The following COG6 variants were observed in gnomAD, a reference collection of about 807,000 sequenced individuals.
COG6 encodes the protein component of oligomeric golgi complex 6, also known as conserved oligomeric Golgi complex subunit 6.
A neutral mutation model predicts 88.8 loss-of-function variants in COG6; 74 were observed. The ratio of observed to expected loss-of-function variants is 0.83; its 90% CI spans 0.69 to 1.01. The LOEUF (loss-of-function observed/expected upper bound fraction) is 1.01. COG6 is among the 50% of genes least tolerant of loss of function. The probability of loss-of-function intolerance (pLI) is 0.00; values close to 1 mark genes in which losing one functional copy is unlikely to be tolerated. For missense variants in COG6, 800 were observed against 797.9 expected (o/e 1.00, Z -0.03); for synonymous variants, 286 against 278.7 (o/e 1.03, Z -0.26).
chr13:39,719,365 C>T lies in COG6; in HGVS notation c.1414C>T (p.Gln472Ter). The T allele has an allele frequency of 1.2e-6, 2 of 1,611,736 alleles. No individual in the cohort carries two copies. The highest frequency in any genetic ancestry group is 1.7e-6 in the Non-Finnish European group (2 of 1,178,616). Residue 472 changes from glutamine to a stop codon, truncating the protein, a stop_gained and splice_region_variant, in exon 14 of 19, where the codon CAG becomes TAG. Transcript: ENST00000455146. LOFTEE classifies it high-confidence loss of function. ...PLDARQADFV[Q>*]VLSCVLDPLL... ...AGATGCTCGTCAAGCTGATTTTGTG[C>T]AGGTATGTTATAAATTCATTTTTAA...
intron 4 of COG6, among the ~76,000 whole-genome samples, chr13:39,665,555 T>C (rs1006743383): frequency 2.6e-5 from 4 of 152,214 alleles, no homozygotes; most frequent in Non-Finnish European, 4.4e-5. Context: ...AAATTCTCCT[T>C]GTAGTTTATA....
In COG6 at chr13:39,700,872, A is replaced by G. The variant is rs140878513; in HGVS notation, c.1284+1254A>G. Among the ~76,000 whole-genome samples the G allele has an allele frequency of 3.5e-4, 53 of 152,018 alleles. No homozygotes were observed. In the East Asian group the frequency reaches 9.9e-3, roughly 28 times the overall value. On this transcript the variant is annotated intron_variant, in intron 13 of 18. Transcript: ENST00000455146. ...TCCATAGAGAGATGTAATGGAGTTGAACTTTGAAGAACAGGTAGGCTTTAG... is the reference window on the plus strand; with the variant it reads ...TCCATAGAGAGATGTAATGGAGTTGGACTTTGAAGAACAGGTAGGCTTTAG...
At chr13:39,689,335 G>T (rs993700179) in intron 10 of COG6, among the ~76,000 whole-genome samples, 1 of 152,086 alleles carries the variant, frequency 6.6e-6, no homozygotes, top group Non-Finnish European at 1.5e-5. Flanking sequence ...AGATTTCAAG[G>T]TATATTTTTC....
At chr13:39,737,404 G>T (rs1262486460) in intron 18 of COG6, among the ~76,000 whole-genome samples, 1 of 151,850 alleles carries the variant, frequency 6.6e-6, no homozygotes, top group African/African-American at 2.4e-5. Context: ...TCCCTTCAGG[G>T]CAGTGAGTTT....
chr13:39,673,118 A>G (rs1875750973), intron 4 of COG6, among the ~76,000 whole-genome samples: 4 of 151,862 alleles, frequency 2.6e-5, no homozygotes, highest in African/African-American at 9.7e-5. Flanking sequence ...AGTTCTTTAT[A>G]TGTTCTGGAT....
At chr13:39,681,744 A>G (rs751418297) in intron 7 of COG6, among the ~76,000 whole-genome samples, 3 of 152,228 alleles carry the variant, frequency 2.0e-5, no homozygotes, top group Non-Finnish European at 4.4e-5. Flanking sequence ...ATCACTATAT[A>G]TTAGTTAACC....
rs772393128 is a variant in COG6, at chr13:39,719,756, CTATA to C, written c.1517_1520del (p.Tyr506Ter). The C allele has an allele frequency of 6.2e-7, 1 of 1,612,232 alleles. No individual in the cohort carries two copies. Among genetic ancestry groups the C allele is most frequent in the Non-Finnish European group, 8.5e-7 (1 of 1,178,554 alleles). On this transcript the variant is annotated frameshift_variant, in exon 15 of 19. Transcript: ENST00000455146. LOFTEE classifies it high-confidence loss of function. ...CATGGCCACTTTCATGGTCAATTCA[CTATA>C]TATGATGAAGACAACATTAGCTCTA...
chr13:39,665,391 C>T (rs1245121614), intron 4 of COG6, among the ~76,000 whole-genome samples: 1 of 152,016 alleles, frequency 6.6e-6, no homozygotes, highest in South Asian at 2.1e-4. Flanking sequence ...GATGATGTAT[C>T]GTTATTGTTT....
chr13:39,719,693 ATG>A lies in COG6; in HGVS notation c.1454_1455del (p.Cys485TyrfsTer11), dbSNP rs1361750751. ...LSCVLDPLLQ[M>X]CTVSASNLGT... Reference sequence around the variant, plus strand: ...ATGTGTCTTGGATCCTCTCCTACAGATGTGTACTGTATCAGCCAGCAATTTAG... The same window carrying A: ...ATGTGTCTTGGATCCTCTCCTACAGATGTACTGTATCAGCCAGCAATTTAG... On this transcript the variant is annotated frameshift_variant, in exon 15 of 19. Transcript: ENST00000455146. LOFTEE classifies it high-confidence loss of function. 6.2e-7 allele frequency: 1 copy of A among 1,612,774 alleles called. No individual in the cohort carries two copies. Among genetic ancestry groups the A allele is most frequent in the Non-Finnish European group, 8.5e-7 (1 of 1,179,208 alleles).
chr13:39,665,201 G>A (rs1340611988), intron 4 of COG6, 47 bp downstream of exon 4: 1 of 999,612 alleles, frequency 1.0e-6, no homozygotes, highest in African/African-American at 1.6e-5. Context: ...TTGGAGATTG[G>A]AGTCAAAGAA....
chr13:39,757,912 T>TG (rs1369932473), intron 18 of COG6, among the ~76,000 whole-genome samples: 1 of 152,056 alleles, frequency 6.6e-6, no homozygotes. Flanking sequence ...AATAAACTCT[T>TG]GCAATTCAAC....
intron 16 of COG6, among the ~76,000 whole-genome samples, chr13:39,723,864 C>T (rs1878985558): frequency 1.3e-5 from 2 of 151,970 alleles, no homozygotes; most frequent in Admixed American, 6.6e-5. Flanking sequence ...TAGCAGTCAT[C>T]TTCTTTTTAA....
At chr13:39,723,024 T>C (rs1470000755) in intron 15 of COG6, among the ~76,000 whole-genome samples, 1 of 152,122 alleles carries the variant, frequency 6.6e-6, no homozygotes, top group Non-Finnish European at 1.5e-5. Flanking sequence ...TTCCTAAATA[T>C]TTTATTTTAT....
At chr13:39,671,243 T>C (rs180922260) in intron 4 of COG6, among the ~76,000 whole-genome samples, 90 of 152,048 alleles carry the variant, frequency 5.9e-4, no homozygotes, top group Admixed American at 1.3e-3. Context: ...TGAGGAAAAA[T>C]TTAGAAATAA....
intron 11 of COG6, among the ~76,000 whole-genome samples, chr13:39,690,736 T>C (rs1315036641): frequency 6.6e-6 from 1 of 151,980 alleles, no homozygotes; most frequent in Non-Finnish European, 1.5e-5. Flanking sequence ...CAATTGATTA[T>C]ATTGACAAAT....
rs774614788 is a variant in COG6, at chr13:39,660,880, A to G, written c.368A>G (p.Gln123Arg). ...TGTCAAGATATGACAAGTCGCCTACAGGTATTATATAATGGCTAGATTTTG... is the reference window on the plus strand; with the variant it reads ...TGTCAAGATATGACAAGTCGCCTACGGGTATTATATAATGGCTAGATTTTG... ...NCCQDMTSRLQAAKEQTQDLI... is the reference protein window; with the variant it reads ...NCCQDMTSRLRAAKEQTQDLI... Residue 123 changes from glutamine to arginine, a missense_variant and splice_region_variant, in exon 3 of 19, where the codon CAG becomes CGG. Gln to Arg is a conservative substitution (Grantham distance 43, BLOSUM62 1). Coordinates refer to ENST00000455146, the MANE Select transcript of COG6 (RefSeq NM_020751.3). 2.5e-6 allele frequency: 4 copies of G among 1,576,460 alleles called. No individual in the cohort carries two copies. The highest frequency in any genetic ancestry group is 3.5e-6 in the Non-Finnish European group (4 of 1,146,822).
At chr13:39,757,214 A>C (rs1183880355), downstream of COG6, among the ~76,000 whole-genome samples, 1 of 152,238 alleles carries the variant, frequency 6.6e-6, no homozygotes, top group Non-Finnish European at 1.5e-5. Context: ...GAAATTAAAC[A>C]AGATGCTCTT....
chr13:39,688,223 C>T (rs1451897871), intron 10 of COG6, among the ~76,000 whole-genome samples: 2 of 152,154 alleles, frequency 1.3e-5, no homozygotes, highest in Non-Finnish European at 2.9e-5. Context: ...ATTTCTGCTA[C>T]CCAGCCTCTT....
intron 18 of COG6, among the ~76,000 whole-genome samples, chr13:39,780,106 A>C (rs2138187069): frequency 6.6e-6 from 1 of 152,334 alleles, no homozygotes; most frequent in South Asian, 2.1e-4. Context: ...TTGACTGAGA[A>C]AAGAGTTTTG....
Sources: gnomAD v4.1 joint callset for allele counts (sites outside exome capture counted in the v4.1 genomes callset) on GRCh38, gnomAD v4.1.1 for gene constraint, MANE v1.5 for transcripts, NCBI Gene and HGNC (gene_info 2026-07-23, HGNC 2026-07-21) for gene names.